The following RBFOX1 variants were observed in gnomAD, a reference collection of about 807,000 sequenced individuals.
RBFOX1 encodes the protein RNA binding protein fox-1 homolog 1.
Under a neutral mutation model 57.7 loss-of-function variants are expected in RBFOX1, and 8 were observed. The ratio of observed to expected loss-of-function variants is 0.14; its 90% CI spans 0.08 to 0.25. The LOEUF is 0.25. Among genes scored for constraint, RBFOX1 ranks in the 10% least tolerant of loss-of-function variants. The probability of loss-of-function intolerance (pLI) is 1.00; values close to 1 mark genes in which losing one functional copy is unlikely to be tolerated. For missense variants in RBFOX1, 611 were observed against 548.5 expected (o/e 1.11, Z -1.14); for synonymous variants, 326 against 222.4 (o/e 1.47, Z -4.15).
chr16:6,900,365 G>C lies in RBFOX1; in HGVS notation c.-15-151692G>C, dbSNP rs530554262. On this transcript the variant is annotated intron_variant, in intron 3 of 15. Transcript: ENST00000550418. ...CACAAAATCCTTTAGGGATCCTTCT[G>C]TAACCTCTATCCATGCTCCCATCAA... 5.6e-3 allele frequency among the ~76,000 whole-genome samples: 856 copies of C among 152,272 alleles called. 3 individuals are homozygous for C. The highest frequency in any genetic ancestry group is 9.3e-3 in the Non-Finnish European group (635 of 68,022).
intron 1 of RBFOX1, among the ~76,000 whole-genome samples, chr16:6,237,676 G>C (rs1406204927): frequency 6.6e-6 from 1 of 151,892 alleles, no homozygotes; most frequent in Non-Finnish European, 1.5e-5. Flanking sequence ...GGGAGATGGA[G>C]GTTACAGTGA....
chr16:6,743,108 C>G (rs112519918), intron 3 of RBFOX1, among the ~76,000 whole-genome samples: 1 of 152,056 alleles, frequency 6.6e-6, no homozygotes, highest in Non-Finnish European at 1.5e-5. Context: ...GTAATATTTT[C>G]AAAATAAGTT....
chr16:7,474,647 G>C (rs1326561901), intron 4 of RBFOX1, among the ~76,000 whole-genome samples: 1 of 152,186 alleles, frequency 6.6e-6, no homozygotes, highest in African/African-American at 2.4e-5. Context: ...AAGTCGGACT[G>C]GCTTTCATCC....
At chr16:7,682,336 C>G (rs552005527) in intron 14 of RBFOX1, among the ~76,000 whole-genome samples, 4 of 151,996 alleles carry the variant, frequency 2.6e-5, no homozygotes, top group African/African-American at 7.2e-5. Flanking sequence ...CTCAGATCAA[C>G]AAGGAACTGA....
chr16:7,504,755 T>TTA (rs1225848111), intron 4 of RBFOX1, among the ~76,000 whole-genome samples: 13 of 9,982 alleles, frequency 1.3e-3, no homozygotes, highest in African/African-American at 5.1e-3. Flanking sequence ...ATATATATAT[T>TTA]TATATATATA....
intron 1 of RBFOX1, among the ~76,000 whole-genome samples, chr16:6,067,054 T>C (rs2095774523): frequency 1.3e-5 from 2 of 152,192 alleles, no homozygotes; most frequent in African/African-American, 4.8e-5. Flanking sequence ...ACAAGTGATC[T>C]GAGATTCATG....
chr16:7,476,426 G>C (rs193093643), intron 4 of RBFOX1, among the ~76,000 whole-genome samples: 3 of 152,256 alleles, frequency 2.0e-5, no homozygotes, highest in African/African-American at 7.2e-5. Context: ...AAAAATGCCT[G>C]ACACGTAAAG....
chr16:7,464,966 C>T (rs566736763), intron 4 of RBFOX1, among the ~76,000 whole-genome samples: 30 of 151,830 alleles, frequency 2.0e-4, no homozygotes, highest in Admixed American at 8.5e-4. Flanking sequence ...CAAAGTGCTG[C>T]GATTACAGGG....
chr16:5,394,912 A>G (rs1322374141), intron 1 of RBFOX1, among the ~76,000 whole-genome samples: 1 of 151,854 alleles, frequency 6.6e-6, no homozygotes, highest in Non-Finnish European at 1.5e-5. Context: ...AAGTGGTAAC[A>G]TCCTCACTGG....
chr16:5,334,912 A>T (rs1205534781), intron 1 of RBFOX1, among the ~76,000 whole-genome samples: 1 of 151,992 alleles, frequency 6.6e-6, no homozygotes, highest in Non-Finnish European at 1.5e-5. Flanking sequence ...TGAGGCTGTA[A>T]TGAGTAGCAT....
rs375670354 is a variant in RBFOX1, at chr16:7,630,563, G to A, written c.677-40G>A. On this transcript the variant is annotated intron_variant, in intron 10 of 15. Transcript: ENST00000550418. ...CGTGATCTCTCAGGTGTAGTGTACC[G>A]ATTCCCAAACCAGATACCATCTCTC... 4.8e-5 allele frequency: 77 copies of A among 1,612,236 alleles called. No individual in the cohort carries two copies. In the Middle Eastern group the frequency reaches 6.6e-4, roughly 14 times the overall value.
chr16:6,823,114 C>T (rs1043573796), intron 3 of RBFOX1, among the ~76,000 whole-genome samples: 6 of 152,110 alleles, frequency 3.9e-5, no homozygotes, highest in African/African-American at 1.4e-4. Flanking sequence ...AGGGTCATAG[C>T]CATTTTATGA....
In RBFOX1 at chr16:7,416,391, T is replaced by C. The variant is rs921530676; in HGVS notation, c.28-101756T>C. ...AGGTTTTTATTCCCTGTAGTTCTTC[T>C]CTCTCATGCTTACTGATATGATTGA... On this transcript the variant is annotated intron_variant, in intron 4 of 15. Coordinates refer to ENST00000550418, the MANE Select transcript of RBFOX1 (RefSeq NM_018723.4). 2.6e-5 allele frequency among the ~76,000 whole-genome samples: 4 copies of C among 152,180 alleles called. No individual in the cohort carries two copies. The South Asian group carries it at 8.3e-4, about 32-fold the overall frequency.
At chr16:7,427,999 C>T (rs74012573) in intron 4 of RBFOX1, among the ~76,000 whole-genome samples, 4,217 of 152,198 alleles carry the variant, frequency 0.028, 190 homozygotes, top group African/African-American at 0.097. Context: ...TTTTTACATT[C>T]CAAGAATGTT....
intron 4 of RBFOX1, among the ~76,000 whole-genome samples, chr16:7,062,966 C>T (rs1399180597): frequency 8.0e-5 from 9 of 112,442 alleles, no homozygotes; most frequent in Admixed American, 2.4e-4. Flanking sequence ...TTTCTGTGAT[C>T]GAAGAATCCC....
intron 4 of RBFOX1, among the ~76,000 whole-genome samples, chr16:7,280,576 C>G (rs562951131): frequency 1.3e-5 from 2 of 152,296 alleles, no homozygotes; most frequent in Non-Finnish European, 2.9e-5. Context: ...CAGGGACAAG[C>G]TTGAGTGACA....
At chr16:7,410,712 G>C (rs901572116) in intron 4 of RBFOX1, among the ~76,000 whole-genome samples, 3 of 151,908 alleles carry the variant, frequency 2.0e-5, no homozygotes, top group African/African-American at 7.3e-5. Context: ...AACAAACTGA[G>C]GTCTCTTCTG....
intron 4 of RBFOX1, among the ~76,000 whole-genome samples, chr16:7,312,178 G>C (rs1436064285): frequency 6.6e-6 from 1 of 152,166 alleles, no homozygotes; most frequent in Admixed American, 6.5e-5. Context: ...TCAGGAGTTT[G>C]AGACCAGCCT....
intron 4 of RBFOX1, among the ~76,000 whole-genome samples, chr16:6,011,212 A>G (rs977731811): frequency 6.6e-6 from 1 of 152,236 alleles, no homozygotes; most frequent in African/African-American, 2.4e-5. Flanking sequence ...TGTTCTGATT[A>G]TAAATTCATT....
Sources: gnomAD v4.1 joint callset for allele counts (sites outside exome capture counted in the v4.1 genomes callset) on GRCh38, gnomAD v4.1.1 for gene constraint, MANE v1.5 for transcripts, NCBI Gene and HGNC (gene_info 2026-07-23, HGNC 2026-07-21) for gene names.